NFAT5: variants seen among roughly 807,000 people sequenced by gnomAD.
NFAT5 encodes nuclear factor of activated T-cells 5.
NFAT5 carries 31 observed loss-of-function variants against 166.5 expected under a neutral mutation model. The ratio of observed to expected loss-of-function variants is 0.19; its 90% confidence interval spans 0.14 to 0.25. The LOEUF is 0.25. Among genes scored for constraint, NFAT5 ranks in the 10% least tolerant of loss-of-function variants. The pLI is 1.00. For synonymous variants in NFAT5, 612 were observed against 639.7 expected (o/e 0.96, Z 0.65); for missense variants, 1,449 against 1,821.8 (o/e 0.80, Z 3.72).
intron 2 of NFAT5, among the ~76,000 whole-genome samples, chr16:69,609,969 G>A (rs551003530): frequency 3.5e-4 from 53 of 152,060 alleles, no homozygotes; most frequent in South Asian, 6.2e-4. Context: ...TTGTGCCACC[G>A]CACTCCAATC....
chr16:69,592,944 AT>A (rs1280912673), intron 2 of NFAT5, among the ~76,000 whole-genome samples: 2 of 152,180 alleles, frequency 1.3e-5, no homozygotes, highest in African/African-American at 2.4e-5. Flanking sequence ...TGCTTTAGGA[AT>A]TTAATCCTTT....
chr16:69,569,331 A>AAC (rs1425806340), intron 2 of NFAT5, among the ~76,000 whole-genome samples: 1 of 152,136 alleles, frequency 6.6e-6, no homozygotes, highest in Non-Finnish European at 1.5e-5. Context: ...AACCAAAAAA[A>AAC]AAAAAAAGTC....
At chr16:69,603,253 C>T (rs570228277) in intron 2 of NFAT5, among the ~76,000 whole-genome samples, 1 of 152,158 alleles carries the variant, frequency 6.6e-6, no homozygotes, top group South Asian at 2.1e-4. Flanking sequence ...TCCCTTAAAT[C>T]CTTTATACAT....
intron 7 of NFAT5, among the ~76,000 whole-genome samples, chr16:69,668,483 G>A (rs1456854895): frequency 6.6e-6 from 1 of 152,128 alleles, no homozygotes; most frequent in African/African-American, 2.4e-5. Context: ...TGGTACCCAA[G>A]TGTAAACACA....
At chr16:69,571,380 A>G (rs908681761) in intron 2 of NFAT5, among the ~76,000 whole-genome samples, 9 of 152,086 alleles carry the variant, frequency 5.9e-5, no homozygotes, top group Non-Finnish European at 7.4e-5. Flanking sequence ...TGAGATGGTT[A>G]TTATTATCCT....
rs150304355 is a variant in NFAT5, at chr16:69,699,518, A to G, written c.*3167A>G. Reference sequence around the variant, plus strand: ...TAAATGTTCCTTACCCCTAAAGGTCAATGTTAAGTACAACATTCTGAAAAT... The same window carrying G: ...TAAATGTTCCTTACCCCTAAAGGTCGATGTTAAGTACAACATTCTGAAAAT... On this transcript the variant is annotated 3_prime_UTR_variant, in exon 15 of 15. Transcript: ENST00000349945. 1.0e-4 allele frequency: 16 copies of G among 152,646 alleles called. No individual in the cohort carries two copies. Among genetic ancestry groups the G allele is most frequent in the Non-Finnish European group, 2.1e-4 (14 of 68,040 alleles). The allele number at this position is 152,646 out of a possible 1,614,324, so 9.5% of individuals were successfully genotyped here.
At chr16:69,681,835 A>T (rs1450604226) in intron 10 of NFAT5, among the ~76,000 whole-genome samples, 2 of 151,318 alleles carry the variant, frequency 1.3e-5, no homozygotes, top group Non-Finnish European at 2.9e-5. Flanking sequence ...GGAGAATGGC[A>T]TGAACCCGGG....
chr16:69,682,402 G>T (rs1253640921), intron 10 of NFAT5, among the ~76,000 whole-genome samples: 1 of 150,510 alleles, frequency 6.6e-6, no homozygotes, highest in Admixed American at 6.6e-5. Context: ...GAGCCCAGGA[G>T]TTTGAGACCA....
At chr16:69,585,331 G>T (rs1010335349) in intron 2 of NFAT5, among the ~76,000 whole-genome samples, 2 of 151,056 alleles carry the variant, frequency 1.3e-5, no homozygotes, top group Non-Finnish European at 1.5e-5. Flanking sequence ...TTTTAATTGT[G>T]TGGGGCTGTC....
intron 3 of NFAT5, among the ~76,000 whole-genome samples, chr16:69,635,023 G>GTTTT (rs530661389): frequency 2.0e-4 from 21 of 105,228 alleles, no homozygotes; most frequent in South Asian, 6.7e-4. Flanking sequence ...TGTTAGTAAA[G>GTTTT]TTTTTTTTTT....
chr16:69,621,877 C>T (rs1241723474), intron 2 of NFAT5, among the ~76,000 whole-genome samples: 2 of 152,102 alleles, frequency 1.3e-5, no homozygotes, highest in Non-Finnish European at 2.9e-5. Context: ...GCAGGAGGAT[C>T]TCTTGAGCTC....
intron 6 of NFAT5, 25 bp downstream of exon 6, chr16:69,655,824 A>C (rs374767130): frequency 6.3e-7 from 1 of 1,585,506 alleles, no homozygotes; most frequent in African/African-American, 1.3e-5. Context: ...AGAATTTTTC[A>C]TTATACATTA....
At chr16:69,623,149 G>T (rs1204867658) in intron 2 of NFAT5, among the ~76,000 whole-genome samples, 1 of 151,174 alleles carries the variant, frequency 6.6e-6, no homozygotes, top group Non-Finnish European at 1.5e-5. Flanking sequence ...ACATCTCAAA[G>T]AAAAAAAATG....
chr16:69,638,951 GTC>G (rs1258730098), intron 3 of NFAT5, among the ~76,000 whole-genome samples: 1 of 151,774 alleles, frequency 6.6e-6, no homozygotes, highest in Non-Finnish European at 1.5e-5. Flanking sequence ...GTTTGTCTCT[GTC>G]TCTCTCTCTT....
chr16:69,626,494 G>A lies in NFAT5; in HGVS notation c.219G>A (p.Glu73=), dbSNP rs2034466255. The change falls in exon 3 of 15, where the codon GAG becomes GAA. Residue 73 remains glutamate, a synonymous_variant. Transcript: ENST00000349945. ...CAATGAGTCAGACAAGCGGTGGTGA[G>A]GCAGGCTCGCCTCCTCCAGCTGTTG... The part of the protein sequence containing the change: ...VASMSQTSGG[E]AGSPPPAVVA... 4 of 1,581,648 alleles carry A rather than the reference G, an allele frequency of 2.5e-6. No individual in the cohort carries two copies. The highest frequency in any genetic ancestry group is 1.8e-5 in the Admixed American group (1 of 54,722).
At chr16:69,646,538 G>T (rs1233989780) in intron 3 of NFAT5, 1 of 1,263,264 alleles carries the variant, frequency 7.9e-7, no homozygotes, top group Admixed American at 2.4e-5. Flanking sequence ...GAAGCAGGGA[G>T]TGTCTGCATT....
At chr16:69,654,153 T>C (rs562494774) in intron 5 of NFAT5, among the ~76,000 whole-genome samples, 1 of 152,216 alleles carries the variant, frequency 6.6e-6, no homozygotes, top group Non-Finnish European at 1.5e-5. Flanking sequence ...AAGACAAACC[T>C]CAAAAAAATG....
At chr16:69,684,286 C>T (rs2151701504) in intron 10 of NFAT5, among the ~76,000 whole-genome samples, 1 of 144,296 alleles carries the variant, frequency 6.9e-6, no homozygotes, top group Non-Finnish European at 1.5e-5. Flanking sequence ...ATTGGCTGGG[C>T]ACGGTGGCTC....
rs561688840 is a variant in NFAT5, at chr16:69,571,698, A to T, written c.127+3150A>T. 1.9e-3 allele frequency among the ~76,000 whole-genome samples: 288 copies of T among 148,210 alleles called. 3 individuals carry two copies. The highest frequency in any genetic ancestry group is 6.6e-3 in the African/African-American group (268 of 40,590). Reference sequence around the variant, plus strand: ...TAGAACGTACGTTTTCCAAATTTAAATTTTTTTTTTGGGGGGAAACAAGGT... The same window carrying T: ...TAGAACGTACGTTTTCCAAATTTAATTTTTTTTTTTGGGGGGAAACAAGGT... On this transcript the variant is annotated intron_variant, in intron 2 of 14. Coordinates refer to ENST00000349945, the MANE Select transcript of NFAT5 (RefSeq NM_138713.4).
Sources: allele counts gnomAD v4.1 joint callset (sites outside exome capture counted in the v4.1 genomes callset), GRCh38; gene constraint gnomAD v4.1.1; transcripts MANE v1.5; gene names NCBI Gene and HGNC (gene_info 2026-07-23, HGNC 2026-07-21).